Variants in GALNT6 observed in about 807,000 individuals in gnomAD.
GALNT6 encodes the protein polypeptide N-acetylgalactosaminyltransferase 6.
A neutral mutation model predicts 65.9 loss-of-function variants in GALNT6; 51 were observed. That is an observed-to-expected ratio of 0.77 (90% CI 0.62 to 0.98). GALNT6 has a LOEUF of 0.98. GALNT6 is among the 50% of genes least tolerant of loss of function. The pLI, the probability that GALNT6 is intolerant of heterozygous loss-of-function variation, is 0.00. For synonymous variants in GALNT6, 323 were observed against 315.1 expected (o/e 1.02, Z -0.26); for missense variants, 708 against 803.3 (o/e 0.88, Z 1.43).
intron 4 of GALNT6, among the ~76,000 whole-genome samples, chr12:51,367,145 T>C (rs1197978427): frequency 6.6e-6 from 1 of 152,092 alleles, no homozygotes; most frequent in African/African-American, 2.4e-5. Flanking sequence ...TAATCCCAGC[T>C]ACTCGGGAGG....
chr12:51,386,359 C>T (rs943532735), intron 2 of GALNT6, among the ~76,000 whole-genome samples: 23 of 152,176 alleles, frequency 1.5e-4, no homozygotes, highest in Non-Finnish European at 5.9e-5. Context: ...TGAGCCTCCC[C>T]GACTCCACCC....
At chr12:51,389,508 A>G (rs1339934985) in intron 2 of GALNT6, among the ~76,000 whole-genome samples, 1 of 152,216 alleles carries the variant, frequency 6.6e-6, no homozygotes, top group Non-Finnish European at 1.5e-5. Context: ...ATTGTCTTGC[A>G]TTTGACTGGT....
intron 2 of GALNT6, among the ~76,000 whole-genome samples, chr12:51,380,651 C>T (rs562658438): frequency 3.9e-5 from 6 of 152,192 alleles, no homozygotes; most frequent in South Asian, 2.1e-4. Context: ...ATTAGCTGGG[C>T]GTGGTAGCGC....
chr12:51,366,746 G>A (rs61612083), intron 4 of GALNT6, among the ~76,000 whole-genome samples: 2,268 of 152,308 alleles, frequency 0.015, 69 homozygotes, highest in East Asian at 0.13. Context: ...AAGGGAAGAT[G>A]TCTCTACTGA....
intron 2 of GALNT6, among the ~76,000 whole-genome samples, chr12:51,380,500 A>C (rs555071324): frequency 1.3e-5 from 2 of 152,364 alleles, no homozygotes; most frequent in African/African-American, 4.8e-5. Context: ...GTATGATTCC[A>C]CTTATAGAAA....
intron 3 of GALNT6, 37 bp from the exon 4 acceptor site, chr12:51,377,404 C>G (rs748674913): frequency 8.8e-6 from 14 of 1,591,908 alleles, no homozygotes; most frequent in Non-Finnish European, 1.2e-5. Context: ...TTCTCCTGGT[C>G]CCTGGGAGTA....
Position 51,355,870 on chromosome 12 carries a change from C to A in GALNT6, c.1691G>T (p.Gly564Val). Reference sequence around the variant, plus strand: ...ATTCTTGCCAGTGAAGTGACAGCTCCCAAGGCCCAGAGCACCCTTGCTGAC... The same window carrying A: ...ATTCTTGCCAGTGAAGTGACAGCTCACAAGGCCCAGAGCACCCTTGCTGAC... ...LHVSKGALGL[G>V]SCHFTGKNSQ... Residue 564 changes from glycine (G) to valine (V), a missense_variant, in exon 11 of 12, where the codon GGG becomes GTG. Transcript: ENST00000356317. 3.1e-6 allele frequency: 5 copies of A among 1,613,954 alleles called. No individual in the cohort carries two copies. Among genetic ancestry groups the A allele is most frequent in the Non-Finnish European group, 4.2e-6 (5 of 1,179,886 alleles).
At chr12:51,368,395 GTT>G (rs34661831) in intron 4 of GALNT6, among the ~76,000 whole-genome samples, 26,962 of 135,688 alleles carry the variant, frequency 0.2, 2,559 homozygotes, top group East Asian at 0.34. Flanking sequence ...TTTTTTCCAT[GTT>G]TTTTTTTTTT....
chr12:51,379,516 C>T lies in GALNT6; in HGVS notation c.266G>A (p.Cys89Tyr), dbSNP rs1467014435. ...AGCTGGGGTATAGAACCCAGGGAGG[C>T]AGGACTGGTTTATGGAGAACAGAGT... is the stretch of plus-strand genomic sequence containing the variant. ...QQTLFSINQSCLPGFYTPAEL... is the reference protein window; with the variant it reads ...QQTLFSINQSYLPGFYTPAEL... The change falls in exon 3 of 12, where the codon TGC (cysteine) becomes TAC (tyrosine). Residue 89 changes from cysteine to tyrosine, a missense_variant. Cys to Tyr is a radical substitution (Grantham distance 194). Coordinates refer to ENST00000356317, the MANE Select transcript of GALNT6 (RefSeq NM_007210.4). The T allele has an allele frequency of 1.2e-6, 2 of 1,614,064 alleles. No homozygotes were observed. The highest frequency in any genetic ancestry group is 2.7e-5 in the African/African-American group (2 of 74,924).
intron 4 of GALNT6, among the ~76,000 whole-genome samples, chr12:51,374,422 C>T (rs1421427088): frequency 6.6e-6 from 1 of 152,160 alleles, no homozygotes; most frequent in African/African-American, 2.4e-5. Context: ...ATCTGTCTTC[C>T]CTGGGAAGAT....
chr12:51,378,459 A>G (rs1482269693), intron 3 of GALNT6, among the ~76,000 whole-genome samples: 1 of 152,118 alleles, frequency 6.6e-6, no homozygotes, highest in Non-Finnish European at 1.5e-5. Context: ...GCCTGGCCCC[A>G]GTGCCCTTCT....
At chr12:51,374,435 G>A (rs187024893) in intron 4 of GALNT6, among the ~76,000 whole-genome samples, 2 of 152,278 alleles carry the variant, frequency 1.3e-5, no homozygotes, top group Admixed American at 1.3e-4. Flanking sequence ...GGGAAGATGT[G>A]AGCTTCCTGA....
chr12:51,382,365 T>C (rs1947702680), intron 2 of GALNT6: 1 of 152,336 alleles, frequency 6.6e-6, no homozygotes, highest in Non-Finnish European at 1.5e-5. Flanking sequence ...GGAGCCGGCA[T>C]GCAGGAAACT....
At chr12:51,357,475 G>C (rs1946785196) in intron 9 of GALNT6, 25 bp from the exon 10 acceptor site, 2 of 1,545,014 alleles carry the variant, frequency 1.3e-6, no homozygotes, top group Admixed American at 1.7e-5. Context: ...GCAGAGAGGG[G>C]AAGCAGGATG....
At chr12:51,377,851 T>G (rs1390416872) in intron 3 of GALNT6, among the ~76,000 whole-genome samples, 1 of 152,164 alleles carries the variant, frequency 6.6e-6, no homozygotes, top group Non-Finnish European at 1.5e-5. Flanking sequence ...CAGCGTACAG[T>G]TCCTCTCTAA....
At chr12:51,391,632 C>CGCGCG (rs1410535986), upstream of GALNT6, 6 of 152,316 alleles carry the variant, frequency 3.9e-5, no homozygotes. Context: ...GCAGCCGCGC[C>CGCGCG]GCGGGGTGGC....
intron 2 of GALNT6, chr12:51,383,452 A>G (rs1393774620): frequency 6.6e-6 from 1 of 152,222 alleles, no homozygotes; most frequent in Non-Finnish European, 1.5e-5. Context: ...GCCAGTGCTC[A>G]AGACTCACCC....
At position 51,374,331 on chromosome 12, in the gene GALNT6, C is replaced by A. The variant is rs57809395; in HGVS notation, c.664+2864G>T. Among the ~76,000 whole-genome samples the A allele has an allele frequency of 7.4e-3, 1,130 of 151,918 alleles. 21 individuals carry two copies. The highest frequency in any genetic ancestry group is 0.025 in the African/African-American group (1,044 of 41,414). ...CCACAGGCAAATACCACCATGCCTG[C>A]TAATTTTTTATTTTTGTAGAGATGG... On this transcript the variant is annotated intron_variant, in intron 4 of 11. Coordinates refer to ENST00000356317, the MANE Select transcript of GALNT6 (RefSeq NM_007210.4).
At chr12:51,378,929 C>T (rs1419948388) in intron 3 of GALNT6, among the ~76,000 whole-genome samples, 1 of 150,126 alleles carries the variant, frequency 6.7e-6, no homozygotes. Context: ...GTCTCTGGAG[C>T]AGGCCTCAGT....
Sources: gnomAD v4.1 joint callset for allele counts (sites outside exome capture counted in the v4.1 genomes callset) on GRCh38, gnomAD v4.1.1 for gene constraint, MANE v1.5 for transcripts, NCBI Gene and HGNC (gene_info 2026-07-23, HGNC 2026-07-21) for gene names.